MLLT10: variants seen among roughly 807,000 people sequenced by gnomAD.
MLLT10 encodes protein AF-10.
A neutral mutation model predicts 129.1 loss-of-function variants in MLLT10; 30 were observed. That is an observed-to-expected ratio of 0.23 (90% CI 0.17 to 0.32). MLLT10 has a LOEUF of 0.32. Among genes scored for constraint, MLLT10 ranks in the 10% least tolerant of loss-of-function variants. MLLT10 has a pLI of 1.00. For synonymous variants in MLLT10, 490 were observed against 446.4 expected, an observed-to-expected ratio of 1.10 and a Z score of -1.23; for missense variants, 1,119 against 1,268.3, an observed-to-expected ratio of 0.88 and a Z score of 1.79.
intron 13 of MLLT10, among the ~76,000 whole-genome samples, chr10:21,693,026 CT>C (rs1217358757): frequency 6.6e-6 from 1 of 152,002 alleles, no homozygotes; most frequent in Non-Finnish European, 1.5e-5. Flanking sequence ...AAAAAAATCA[CT>C]GTGTAGTATG....
At chr10:21,534,593 G>T in intron 1 of MLLT10, 52 bp from the exon 2 acceptor site, 1 of 1,567,438 alleles carries the variant, frequency 6.4e-7, no homozygotes, top group Admixed American at 1.8e-5. Context: ...TGGGGGGGAA[G>T]CACTAATCGG....
intron 3 of MLLT10, chr10:21,557,110 A>C: frequency 7.2e-7 from 1 of 1,394,266 alleles, no homozygotes. Context: ...TTCCATTTAC[A>C]TTTTTGCCCT....
At chr10:21,657,943 A>T (rs1355080246) in intron 9 of MLLT10, among the ~76,000 whole-genome samples, 3 of 152,198 alleles carry the variant, frequency 2.0e-5, no homozygotes, top group Non-Finnish European at 4.4e-5. Context: ...CTTTGAAGTT[A>T]TAATGAAATC....
At chr10:21,707,317 C>T (rs377512908) in intron 13 of MLLT10, among the ~76,000 whole-genome samples, 5 of 151,580 alleles carry the variant, frequency 3.3e-5, no homozygotes, top group Admixed American at 1.3e-4. Flanking sequence ...CTCAGCCTCC[C>T]GTGTAGCTGG....
chr10:21,694,974 T>G (rs1341097623), intron 13 of MLLT10, among the ~76,000 whole-genome samples: 2 of 151,852 alleles, frequency 1.3e-5, no homozygotes, highest in Non-Finnish European at 2.9e-5. Context: ...AGTTGAATCC[T>G]TCTCACACTT....
At position 21,718,184 on chromosome 10, in the gene MLLT10, C is replaced by T. The variant is rs578032204; in HGVS notation, c.1878+4234C>T. Reference sequence around the variant, plus strand: ...TTAAGTGTTAAACCCTTTTTTTTTTCCCCCTTTCAACAGACTAGTTTTTAG... The same window carrying T: ...TTAAGTGTTAAACCCTTTTTTTTTTTCCCCTTTCAACAGACTAGTTTTTAG... On this transcript the variant is annotated intron_variant, in intron 14 of 22. Coordinates refer to ENST00000307729, the MANE Select transcript of MLLT10 (RefSeq NM_001195626.3). 3.8e-3 allele frequency among the ~76,000 whole-genome samples: 566 copies of T among 150,082 alleles called. 5 individuals are homozygous for T. The highest frequency in any genetic ancestry group is 0.013 in the African/African-American group (534 of 40,902).
In MLLT10 at chr10:21,741,931, A is replaced by G. The variant is rs753029380; in HGVS notation, c.3163-8A>G. 2.1e-5 allele frequency: 34 copies of G among 1,610,322 alleles called. No individual in the cohort carries two copies. The highest frequency in any genetic ancestry group is 2.8e-5 in the Non-Finnish European group (33 of 1,179,146). ...AGCTAACGCATCTGCTCTTTTGTTT[A>G]CCTGCAGAGACTTAGTGATAAAACT... On this transcript the variant is annotated splice_polypyrimidine_tract_variant and splice_region_variant and intron_variant, in intron 22 of 22. Coordinates refer to ENST00000307729, the MANE Select transcript of MLLT10 (RefSeq NM_001195626.3).
rs61561146 is a variant in MLLT10 at position 21,593,926 on chromosome 10, T to TAAAAAA, written c.296-1378_296-1373dup. On this transcript the variant is annotated intron_variant, in intron 4 of 22. Transcript: ENST00000307729. The stretch of plus-strand genomic sequence containing the variant: ...GGGCGACAGACCAAGGCTTTGTCTT[T>TAAAAAA]AAAAAAAAAAAAAAAAAAAAAAAAA... 4.8e-3 allele frequency among the ~76,000 whole-genome samples: 217 copies of TAAAAAA among 45,418 alleles called. 25 individuals are homozygous for TAAAAAA. Among genetic ancestry groups the TAAAAAA allele is most frequent in the African/African-American group, 0.021 (195 of 9,426 alleles). The allele number at this position is 45,418 out of a possible 152,430, so 29.8% of individuals were successfully genotyped here.
At chr10:21,543,486 G>GT (rs1461321781) in intron 3 of MLLT10, among the ~76,000 whole-genome samples, 1 of 151,566 alleles carries the variant, frequency 6.6e-6, no homozygotes, top group Non-Finnish European at 1.5e-5. Context: ...TATATATTAT[G>GT]TTTTTTTGGA....
chr10:21,663,054 T>C (rs939843653), intron 9 of MLLT10, among the ~76,000 whole-genome samples: 2 of 152,170 alleles, frequency 1.3e-5, no homozygotes, highest in African/African-American at 2.4e-5. Flanking sequence ...TAGCAGGCCT[T>C]GTTAGGAAAA....
At chr10:21,689,565 G>GTATGTA in intron 13 of MLLT10, among the ~76,000 whole-genome samples, 1 of 113,456 alleles carries the variant, frequency 8.8e-6, no homozygotes, top group East Asian at 2.7e-4. Context: ...ATATATATAT[G>GTATGTA]TATATATATA....
At chr10:21,544,693 G>C (rs2130919392) in intron 3 of MLLT10, among the ~76,000 whole-genome samples, 1 of 152,286 alleles carries the variant, frequency 6.6e-6, no homozygotes, top group Admixed American at 6.5e-5. Context: ...TAGGTAAAGG[G>C]AAGGGAATAA....
chr10:21,631,245 C>T (rs572589638), intron 8 of MLLT10, among the ~76,000 whole-genome samples: 5 of 136,508 alleles, frequency 3.7e-5, no homozygotes, highest in East Asian at 4.7e-4. Context: ...ACCTGGGAGG[C>T]GGAGCTTGTA....
At chr10:21,737,390 C>T (rs375770131) in intron 21 of MLLT10, among the ~76,000 whole-genome samples, 1 of 152,052 alleles carries the variant, frequency 6.6e-6, no homozygotes, top group South Asian at 2.1e-4. Context: ...GGGGCAGTTT[C>T]GACTCATTTT....
chr10:21,639,012 C>T (rs774075480), intron 8 of MLLT10, among the ~76,000 whole-genome samples: 2 of 152,192 alleles, frequency 1.3e-5, no homozygotes, highest in East Asian at 3.9e-4. Context: ...GTTGACCGTA[C>T]AATTTTTCAT....
chr10:21,548,647 G>A (rs1380633041), intron 3 of MLLT10, among the ~76,000 whole-genome samples: 1 of 152,078 alleles, frequency 6.6e-6, no homozygotes, highest in African/African-American at 2.4e-5. Flanking sequence ...GGGATCACAG[G>A]TGTGAGCCAC....
At chr10:21,575,894 A>G (rs549998357) in intron 3 of MLLT10, among the ~76,000 whole-genome samples, 1 of 152,116 alleles carries the variant, frequency 6.6e-6, no homozygotes, top group Non-Finnish European at 1.5e-5. Context: ...TTTACTATGT[A>G]GCCACTCACC....
intron 17 of MLLT10, among the ~76,000 whole-genome samples, chr10:21,731,549 C>T (rs1235937389): frequency 2.6e-5 from 4 of 152,112 alleles, no homozygotes; most frequent in Non-Finnish European, 4.4e-5. Flanking sequence ...AAAACTTGCT[C>T]ACCTCTGGAA....
intron 3 of MLLT10, among the ~76,000 whole-genome samples, chr10:21,553,673 A>G (rs947549510): frequency 6.9e-6 from 1 of 145,742 alleles, no homozygotes; most frequent in African/African-American, 2.6e-5. Flanking sequence ...TTTTTTTCAG[A>G]CAGGGCCTCT....
Sources: gnomAD v4.1 joint callset for allele counts (sites outside exome capture counted in the v4.1 genomes callset) on GRCh38, gnomAD v4.1.1 for gene constraint, MANE v1.5 for transcripts, NCBI Gene and HGNC (gene_info 2026-07-23, HGNC 2026-07-21) for gene names.